The following ACOT11 variants were observed in gnomAD, a reference collection of about 807,000 sequenced individuals.
The protein encoded by ACOT11 is acyl-coenzyme A thioesterase 11.
ACOT11 carries 69 observed loss-of-function variants against 77.5 expected under a neutral mutation model. The observed-to-expected ratio is 0.89, with a 90% confidence interval of 0.73 to 1.09. The LOEUF (loss-of-function observed/expected upper bound fraction) is 1.09. ACOT11 is among the 50% of genes least tolerant of loss of function. ACOT11 has a pLI of 0.00. For missense variants in ACOT11, 766 were observed against 813.7 expected (o/e 0.94, Z 0.71); for synonymous variants, 279 against 313.0 (o/e 0.89, Z 1.15).
chr1:54,602,743 G>A lies in ACOT11; in HGVS notation c.1085+19G>A, dbSNP rs1180195600. 6.6e-7 allele frequency: 1 copy of A among 1,523,846 alleles called. No homozygotes were observed. 94.4% of individuals were successfully genotyped at this position (1,523,846 alleles called of 1,614,324 possible). ...TGGACAGGTGAGTAGGGGCTGAGTG[G>A]TGGGCAGAATGTGGATTCGGGGCTG... On this transcript the variant is annotated intron_variant, in intron 10 of 15. Transcript: ENST00000343744.
At chr1:54,618,165 T>G (rs1644194489) in intron 15 of ACOT11, among the ~76,000 whole-genome samples, 1 of 152,140 alleles carries the variant, frequency 6.6e-6, no homozygotes, top group South Asian at 2.1e-4. Context: ...TTCTCTCAAC[T>G]TTACTATGGC....
At chr1:54,597,200 G>A in intron 6 of ACOT11, 59 bp from the exon 7 acceptor site, 1 of 1,597,652 alleles carries the variant, frequency 6.3e-7, no homozygotes, top group Non-Finnish European at 8.5e-7. Flanking sequence ...GTGGGGAGGG[G>A]CTGCCCTTGG....
chr1:54,598,789 C>G (rs146469420), intron 7 of ACOT11: 1 of 146,692 alleles, frequency 6.8e-6, no homozygotes, highest in Non-Finnish European at 1.5e-5. Flanking sequence ...TGCAGTGAGC[C>G]GAGATTGCAC....
At chr1:54,634,818 G>A (rs530938867) in exon 17 of ACOT11, 52 of 662,916 alleles carry the variant, frequency 7.8e-5, no homozygotes, top group African/African-American at 7.2e-4. Flanking sequence ...CTGACGCTGA[G>A]GAGGACTCCA....
chr1:54,580,126 G>A (rs1363894815), intron 1 of ACOT11, among the ~76,000 whole-genome samples: 1 of 152,148 alleles, frequency 6.6e-6, no homozygotes, highest in Non-Finnish European at 1.5e-5. Context: ...ACAGGAAACC[G>A]AGACCCATAG....
At chr1:54,597,440 G>T in intron 7 of ACOT11, 25 bp downstream of exon 7, 1 of 1,587,198 alleles carries the variant, frequency 6.3e-7, no homozygotes, top group Non-Finnish European at 8.6e-7. Context: ...TGCTGCCTCT[G>T]CCTCCCCTCC....
At chr1:54,550,712 G>A (rs957662760) in intron 1 of ACOT11, among the ~76,000 whole-genome samples, 3 of 151,644 alleles carry the variant, frequency 2.0e-5, no homozygotes, top group Non-Finnish European at 2.9e-5. Flanking sequence ...CCAGCTACTC[G>A]GGAGGCTGAG....
chr1:54,611,730 C>A, downstream of ACOT11: 1 of 1,614,156 alleles, frequency 6.2e-7, no homozygotes, highest in Non-Finnish European at 8.5e-7. Flanking sequence ...CAGCCTGCCA[C>A]AGCGTCAGGC....
chr1:54,599,856 A>C (rs1376108189), intron 8 of ACOT11, among the ~76,000 whole-genome samples: 2 of 152,188 alleles, frequency 1.3e-5, no homozygotes, highest in South Asian at 2.1e-4. Context: ...TCTGAAACCT[A>C]CTCCCATGAA....
At chr1:54,601,528 AC>A in intron 9 of ACOT11, 115 bp downstream of exon 9, 1 of 1,441,788 alleles carries the variant, frequency 6.9e-7, no homozygotes, top group Admixed American at 2.2e-5. Flanking sequence ...GGCCCACCCT[AC>A]CCCCGTGCTG....
At chr1:54,572,641 G>A (rs558663058) in intron 1 of ACOT11, among the ~76,000 whole-genome samples, 7 of 152,242 alleles carry the variant, frequency 4.6e-5, no homozygotes, top group Non-Finnish European at 1.0e-4. Context: ...TGTTCTAATC[G>A]CTTCTGGCCA....
chr1:54,563,449 G>T (rs1653623372), intron 1 of ACOT11, among the ~76,000 whole-genome samples: 2 of 152,230 alleles, frequency 1.3e-5, no homozygotes, highest in African/African-American at 4.8e-5. Context: ...GTCCCTCACA[G>T]GGTTTTGGTG....
chr1:54,627,022 A>T (rs1321049276), intron 15 of ACOT11, among the ~76,000 whole-genome samples: 1 of 133,430 alleles, frequency 7.5e-6, no homozygotes, highest in African/African-American at 2.6e-5. Flanking sequence ...ACGCTCAGCT[A>T]ATTTTTGTAT....
chr1:54,614,656 A>G (rs746850438), downstream of ACOT11: 6 of 1,571,188 alleles, frequency 3.8e-6, no homozygotes, highest in African/African-American at 6.8e-5. Flanking sequence ...AGGTGTTGAC[A>G]GAAGAGGGCT....
intron 1 of ACOT11, among the ~76,000 whole-genome samples, chr1:54,561,863 A>T (rs1653508234): frequency 3.4e-5 from 3 of 88,372 alleles, no homozygotes; most frequent in Admixed American, 9.5e-5. Context: ...GCGGCCGGGC[A>T]GAGGCGCCCC....
At position 54,554,766 on chromosome 1, in the gene ACOT11, T is replaced by C. The variant is rs866509841; in HGVS notation, c.33+6424T>C. On this transcript the variant is annotated intron_variant, in intron 1 of 15. Transcript: ENST00000343744. ...GAGTAGAGGTATCTCTTCAATATAC[T>C]GATTTCATTTCCTTTGGCTATATAC... 2.0e-5 allele frequency among the ~76,000 whole-genome samples: 3 copies of C among 152,192 alleles called. No individual in the cohort carries two copies. The South Asian group carries it at 6.2e-4, about 32-fold the overall frequency.
intron 4 of ACOT11, among the ~76,000 whole-genome samples, chr1:54,593,487 CAG>C (rs1654786115): frequency 1.6e-5 from 2 of 124,414 alleles, no homozygotes; most frequent in Non-Finnish European, 3.2e-5. Flanking sequence ...TTTGCAGAGA[CAG>C]GGGTCTCACT....
At chr1:54,572,223 C>A (rs868573827) in intron 1 of ACOT11, among the ~76,000 whole-genome samples, 48 of 152,156 alleles carry the variant, frequency 3.2e-4, no homozygotes, top group Middle Eastern at 3.4e-3. Flanking sequence ...ACTCTGGTTT[C>A]TTCTCCTTTC....
intron 3 of ACOT11, among the ~76,000 whole-genome samples, chr1:54,589,251 A>G (rs1048154220): frequency 2.7e-5 from 4 of 150,216 alleles, no homozygotes; most frequent in Non-Finnish European, 5.9e-5. Context: ...TCCTGACCTC[A>G]GGTGATCTGC....
Sources: allele counts gnomAD v4.1 joint callset (sites outside exome capture counted in the v4.1 genomes callset), GRCh38; gene constraint gnomAD v4.1.1; transcripts MANE v1.5; gene names NCBI Gene and HGNC (gene_info 2026-07-23, HGNC 2026-07-21).